Variants in GC observed in about 807,000 individuals in gnomAD.
GC encodes the protein GC vitamin D binding protein.
GC carries 43 observed loss-of-function variants against 56.7 expected under a neutral mutation model. That is an observed-to-expected ratio of 0.76 (90% CI 0.59 to 0.98). GC has a LOEUF of 0.98. GC is among the 50% of genes least tolerant of loss of function. The probability of loss-of-function intolerance (pLI) is 0.00; values close to 1 mark genes in which losing one functional copy is unlikely to be tolerated. For missense variants in GC, 529 were observed against 545.9 expected (o/e 0.97, Z 0.31); for synonymous variants, 216 against 202.7 (o/e 1.07, Z -0.56).
At chr4:71,753,450 G>T (rs1430169225) in intron 10 of GC, among the ~76,000 whole-genome samples, 1 of 150,250 alleles carries the variant, frequency 6.7e-6, no homozygotes, top group Non-Finnish European at 1.5e-5. Context: ...GCTGCCGGGG[G>T]GTGCAAATGA....
chr4:71,764,040 G>T, intron 4 of GC, 104 bp from the exon 5 acceptor site: 2 of 843,828 alleles, frequency 2.4e-6, no homozygotes, highest in Non-Finnish European at 3.9e-6. Flanking sequence ...TGGAGTACAT[G>T]GTATAATCAT....
intron 1 of GC, among the ~76,000 whole-genome samples, chr4:71,775,730 G>A (rs2149304367): frequency 6.6e-6 from 1 of 152,050 alleles, no homozygotes; most frequent in African/African-American, 2.4e-5. Context: ...CACAGACTGG[G>A]AGAAAATATT....
At chr4:71,751,184 T>C (rs1209062161) in intron 11 of GC, among the ~76,000 whole-genome samples, 2 of 152,192 alleles carry the variant, frequency 1.3e-5, no homozygotes, top group African/African-American at 2.4e-5. Context: ...TGACATTTTC[T>C]GAAAAAGGCC....
At chr4:71,744,236 A>G (rs879780230) in intron 12 of GC, among the ~76,000 whole-genome samples, 1 of 150,054 alleles carries the variant, frequency 6.7e-6, no homozygotes, top group Non-Finnish European at 1.5e-5. Context: ...AGGTCAGGAG[A>G]TAGAGGCCAT....
chr4:71,802,820 C>A (rs1299514768), intron 1 of GC, among the ~76,000 whole-genome samples: 1 of 152,078 alleles, frequency 6.6e-6, no homozygotes. Flanking sequence ...CCCCAATAAC[C>A]CCATCAAAAA....
rs778490396 is a variant in GC at position 71,765,455 on chromosome 4, T to C, written c.450A>G (p.Lys150=). The C allele has an allele frequency of 6.2e-7, 1 of 1,613,814 alleles. No homozygotes were observed. Among genetic ancestry groups the C allele is most frequent in the Non-Finnish European group, 8.5e-7 (1 of 1,179,830 alleles). ...TNDEICEAFR[K]DPKEYANQFM... is the part of the protein sequence containing the mutation. ...ACTGATTAGCATATTCCTTTGGATC[T>C]TTCCTGAACGCCTCACAGATTTCAT... The change falls in exon 4 of 13, where the codon AAA becomes AAG. Residue 150 remains lysine, a synonymous_variant. Coordinates refer to ENST00000273951, the MANE Select transcript of GC (RefSeq NM_000583.4).
chr4:71,764,221 A>G (rs929228771), intron 4 of GC, among the ~76,000 whole-genome samples: 3 of 152,054 alleles, frequency 2.0e-5, no homozygotes, highest in Non-Finnish European at 4.4e-5. Context: ...GGCTCAAGTG[A>G]TCCTCCGACC....
At position 71,753,307 on chromosome 4, in the gene GC, G is replaced by A. The variant is rs182386746; in HGVS notation, c.1263-657C>T. ...TTCAGGAAATGCTTGCCAGCCCAGC[G>A]GGGGGCAATGGGAGGTAAGGAGACT... On this transcript the variant is annotated intron_variant, in intron 10 of 12. Coordinates refer to ENST00000273951, the MANE Select transcript of GC (RefSeq NM_000583.4). 1.1e-3 allele frequency among the ~76,000 whole-genome samples: 161 copies of A among 152,120 alleles called. 2 individuals are homozygous for A. Among genetic ancestry groups the A allele is most frequent in the Non-Finnish European group, 1.2e-3 (80 of 67,996 alleles).
At chr4:71,768,013 A>G (rs926670246) in intron 3 of GC, among the ~76,000 whole-genome samples, 3 of 152,190 alleles carry the variant, frequency 2.0e-5, no homozygotes, top group Non-Finnish European at 4.4e-5. Flanking sequence ...TTTTAGAGTC[A>G]TATCTGGATT....
chr4:71,750,666 C>T (rs1050550983), intron 11 of GC, among the ~76,000 whole-genome samples: 2 of 152,096 alleles, frequency 1.3e-5, no homozygotes, highest in Non-Finnish European at 2.9e-5. Context: ...GGGTGGATCA[C>T]TTGAGGTCAG....
At chr4:71,774,679 G>A (rs1742450389) in intron 1 of GC, among the ~76,000 whole-genome samples, 1 of 151,906 alleles carries the variant, frequency 6.6e-6, no homozygotes, top group Non-Finnish European at 1.5e-5. Flanking sequence ...TGGTGGTACT[G>A]TTCTAAATAT....
At chr4:71,797,094 T>C (rs747727471) in intron 1 of GC, among the ~76,000 whole-genome samples, 1 of 152,214 alleles carries the variant, frequency 6.6e-6, no homozygotes, top group Non-Finnish European at 1.5e-5. Context: ...GTATGAGATG[T>C]CTGTCAGCCC....
Position 71,784,076 on chromosome 4 carries a change from T to G in GC, c.-58A>C. ...TCTCCTGTAGGTGACCATGTAAAAGTGGTAGCCAAAAGTAATTGGTTTCCT... is the reference window on the plus strand; with the variant it reads ...TCTCCTGTAGGTGACCATGTAAAAGGGGTAGCCAAAAGTAATTGGTTTCCT... On this transcript the variant is annotated 5_prime_UTR_variant, in exon 1 of 13. Transcript: ENST00000273951. 1 of 1,558,134 alleles carries G rather than the reference T, an allele frequency of 6.4e-7. No homozygotes were observed. Among genetic ancestry groups the G allele is most frequent in the Non-Finnish European group, 8.6e-7 (1 of 1,156,642 alleles).
At chr4:71,756,164 A>C (rs1266619039) in intron 8 of GC, among the ~76,000 whole-genome samples, 1 of 152,204 alleles carries the variant, frequency 6.6e-6, no homozygotes, top group Non-Finnish European at 1.5e-5. Flanking sequence ...CTTATTGTCC[A>C]AAAGTTTAGT....
At chr4:71,772,881 C>G (rs907592947) in intron 1 of GC, among the ~76,000 whole-genome samples, 1 of 151,964 alleles carries the variant, frequency 6.6e-6, no homozygotes, top group Non-Finnish European at 1.5e-5. Flanking sequence ...TTCATTTGCC[C>G]AAAGAGAAGA....
At chr4:71,787,239 T>C (rs919025330), upstream of GC, among the ~76,000 whole-genome samples, 5 of 151,890 alleles carry the variant, frequency 3.3e-5, no homozygotes, top group Admixed American at 2.6e-4. Flanking sequence ...GGCCAATGCC[T>C]GTGCTTAAAG....
intron 1 of GC, among the ~76,000 whole-genome samples, chr4:71,781,285 A>T (rs985484198): frequency 1.6e-4 from 24 of 152,036 alleles, no homozygotes; most frequent in African/African-American, 5.5e-4. Context: ...ACCTAATGTA[A>T]ATGACGAGTT....
upstream of GC, among the ~76,000 whole-genome samples, chr4:71,805,373 T>C (rs1478709565): frequency 1.3e-5 from 2 of 152,202 alleles, no homozygotes; most frequent in Non-Finnish European, 1.5e-5. Flanking sequence ...CGCAATCTGT[T>C]GCTGAGTTCC....
intron 11 of GC, among the ~76,000 whole-genome samples, chr4:71,750,915 T>C (rs546103330): frequency 6.6e-6 from 1 of 151,400 alleles, no homozygotes; most frequent in East Asian, 1.9e-4. Context: ...AAAAAACGGG[T>C]TTAAGGGCTT....
Sources: allele counts gnomAD v4.1 joint callset (sites outside exome capture counted in the v4.1 genomes callset), GRCh38; gene constraint gnomAD v4.1.1; transcripts MANE v1.5; gene names NCBI Gene and HGNC (gene_info 2026-07-23, HGNC 2026-07-21).